Variants in FAM53B observed in about 807,000 individuals in gnomAD.
FAM53B encodes family with sequence similarity 53 member B.
A neutral mutation model predicts 32.7 loss-of-function variants in FAM53B; 12 were observed. That is an observed-to-expected ratio of 0.37 (90% CI 0.24 to 0.59). The LOEUF (loss-of-function observed/expected upper bound fraction) is 0.59. Ranked by LOEUF, FAM53B falls within the 20% of genes least tolerant of loss-of-function variation. The pLI is 0.72. For synonymous variants in FAM53B, 234 were observed against 228.7 expected (o/e 1.02, Z -0.21); for missense variants, 477 against 577.7 (o/e 0.83, Z 1.79).
chr10:124,718,118 T>C (rs1564887013), intron 1 of FAM53B, among the ~76,000 whole-genome samples: 2 of 151,898 alleles, frequency 1.3e-5, no homozygotes, highest in East Asian at 1.9e-4. Context: ...CTAGGAGGCC[T>C]GCAGGCTGGT....
chr10:124,706,998 G>A (rs1949963792), intron 1 of FAM53B, 111 bp from the exon 2 acceptor site: 1 of 1,001,380 alleles, frequency 1.0e-6, no homozygotes. Flanking sequence ...CCACCTCTCT[G>A]CTAAAGGAGA....
At chr10:124,647,760 A>G (rs534592192) in intron 4 of FAM53B, among the ~76,000 whole-genome samples, 2 of 152,314 alleles carry the variant, frequency 1.3e-5, no homozygotes, top group African/African-American at 4.8e-5. Context: ...TGTTGAGGGC[A>G]GACCCAAGAT....
Position 124,682,132 on chromosome 10 carries a change from C to A in FAM53B, c.381G>T (p.Arg127=), listed in dbSNP as rs1949777096. Residue 127 remains arginine, a synonymous_variant, in exon 4 of 5, where the codon CGG becomes CGT. Coordinates refer to ENST00000337318, the MANE Select transcript of FAM53B (RefSeq NM_014661.4). This position sits in a 1 kb window ranked among gnomAD's most constrained non-coding sequence, Gnocchi z 5.2. ...LSFSDEMSSC[R]TSWRPLGSKV... ...TGGAGCCCAAGGGCCTCCATGATGT[C>A]CGGCAACTGGACATCTCATCGGAGA... 3 of 1,613,552 alleles carry A rather than the reference C, an allele frequency of 1.9e-6. No individual in the cohort carries two copies. The highest frequency in any genetic ancestry group is 2.5e-6 in the Non-Finnish European group (3 of 1,179,862).
intron 4 of FAM53B, among the ~76,000 whole-genome samples, chr10:124,643,081 C>A (rs895616917): frequency 6.6e-6 from 1 of 152,090 alleles, no homozygotes; most frequent in South Asian, 2.1e-4. Context: ...AGAAAGAGCA[C>A]GAAAAGGACA....
At chr10:124,714,225 G>C (rs940172567) in intron 1 of FAM53B, 1 of 152,070 alleles carries the variant, frequency 6.6e-6, no homozygotes, top group Non-Finnish European at 1.5e-5. Context: ...GAGTCTAAAG[G>C]ATAAAAGTTG....
chr10:124,695,917 A>C (rs1006268275), intron 3 of FAM53B, among the ~76,000 whole-genome samples: 4 of 152,220 alleles, frequency 2.6e-5, no homozygotes, highest in African/African-American at 9.6e-5. Context: ...AAAAATCAAC[A>C]TGAATTACTT....
intron 3 of FAM53B, among the ~76,000 whole-genome samples, chr10:124,685,517 G>A (rs915538620): frequency 6.6e-6 from 1 of 152,250 alleles, no homozygotes; most frequent in Non-Finnish European, 1.5e-5. Flanking sequence ...GCCGGCTGAG[G>A]AAGAAACCAA....
At chr10:124,657,967 T>C (rs543645403) in intron 4 of FAM53B, among the ~76,000 whole-genome samples, 28 of 152,322 alleles carry the variant, frequency 1.8e-4, no homozygotes, top group Non-Finnish European at 3.7e-4. Context: ...CTTGCTTTTC[T>C]ACGCGGCCAC....
intron 1 of FAM53B, among the ~76,000 whole-genome samples, chr10:124,741,220 G>A (rs895773835): frequency 6.6e-6 from 1 of 152,182 alleles, no homozygotes; most frequent in African/African-American, 2.4e-5. Context: ...CATCAGAGAG[G>A]TGTGCGTGGT....
chr10:124,667,883 C>T (rs1212561552), intron 4 of FAM53B, among the ~76,000 whole-genome samples: 1 of 152,194 alleles, frequency 6.6e-6, no homozygotes, highest in Non-Finnish European at 1.5e-5. Context: ...GGAGCTCTCC[C>T]TCATCAGGCT....
At chr10:124,630,288 C>T (rs1949381911) in intron 4 of FAM53B, among the ~76,000 whole-genome samples, 1 of 152,208 alleles carries the variant, frequency 6.6e-6, no homozygotes, top group Non-Finnish European at 1.5e-5. Flanking sequence ...GTGGCGCATG[C>T]CTGTGGTCCC....
chr10:124,738,638 C>A (rs1950184566), intron 1 of FAM53B, among the ~76,000 whole-genome samples: 1 of 151,654 alleles, frequency 6.6e-6, no homozygotes, highest in South Asian at 2.1e-4. Context: ...CGCTGCCCAG[C>A]CCTGGCTGGG....
chr10:124,690,701 A>G (rs1949827982), intron 3 of FAM53B, among the ~76,000 whole-genome samples: 1 of 152,276 alleles, frequency 6.6e-6, no homozygotes, highest in Admixed American at 6.5e-5. Flanking sequence ...AAGAATTTAC[A>G]TACCCTTTAT....
At chr10:124,649,630 G>A (rs997462402) in intron 4 of FAM53B, among the ~76,000 whole-genome samples, 5 of 152,322 alleles carry the variant, frequency 3.3e-5, no homozygotes, top group Middle Eastern at 3.4e-3. Context: ...CTCACAGCTG[G>A]ATAAAGGCCG....
chr10:124,729,644 T>C (rs1236641461), intron 1 of FAM53B, among the ~76,000 whole-genome samples: 1 of 152,180 alleles, frequency 6.6e-6, no homozygotes, highest in South Asian at 2.1e-4. Context: ...ACTGTAACCA[T>C]GTAAACCAAA....
intron 4 of FAM53B, among the ~76,000 whole-genome samples, chr10:124,648,735 T>C (rs1047042086): frequency 1.3e-5 from 2 of 152,374 alleles, no homozygotes; most frequent in South Asian, 2.1e-4. Flanking sequence ...CCCAAGGTCC[T>C]ACAGATGAAA....
At chr10:124,721,915 C>A (rs1950070661) in intron 1 of FAM53B, among the ~76,000 whole-genome samples, 1 of 152,170 alleles carries the variant, frequency 6.6e-6, no homozygotes, top group South Asian at 2.1e-4. Flanking sequence ...ATACACACTG[C>A]AACACCATGC....
intron 1 of FAM53B, among the ~76,000 whole-genome samples, chr10:124,737,201 T>C (rs1334797522): frequency 2.6e-5 from 4 of 152,122 alleles, no homozygotes; most frequent in African/African-American, 7.2e-5. Context: ...CTGAGAAAAA[T>C]AGCAATTCTC....
At chr10:124,728,295 A>G (rs1950120271) in intron 1 of FAM53B, among the ~76,000 whole-genome samples, 1 of 152,154 alleles carries the variant, frequency 6.6e-6, no homozygotes, top group Admixed American at 6.5e-5. Flanking sequence ...ACTTGGAGAG[A>G]CAGTTGATCT....
Sources: gnomAD v4.1 joint callset for allele counts (sites outside exome capture counted in the v4.1 genomes callset) on GRCh38, gnomAD v4.1.1 for gene constraint, Gnocchi (gnomAD v3.1) non-coding constraint, MANE v1.5 for transcripts, NCBI Gene and HGNC (gene_info 2026-07-23, HGNC 2026-07-21) for gene names.